The following PRMT7 variants were observed in gnomAD, a reference collection of about 807,000 sequenced individuals.
PRMT7 encodes protein arginine N-methyltransferase 7.
A neutral mutation model predicts 85.4 loss-of-function variants in PRMT7; 75 were observed. The observed-to-expected ratio is 0.88, with a 90% CI of 0.73 to 1.06. PRMT7 has a LOEUF of 1.06. Among genes scored for constraint, PRMT7 ranks in the 50% least tolerant of loss-of-function variants. PRMT7 has a pLI of 0.00. For synonymous variants in PRMT7, 397 were observed against 359.5 expected, an observed-to-expected ratio of 1.10 and a Z score of -1.18; for missense variants, 868 against 915.2, an observed-to-expected ratio of 0.95 and a Z score of 0.67.
In PRMT7 at chr16:68,357,236, CA is replaced by C; in HGVS notation, c.*14del. The C allele has an allele frequency of 6.2e-7, 1 of 1,602,254 alleles. No homozygotes were observed. The highest frequency in any genetic ancestry group is 8.5e-7 in the Non-Finnish European group (1 of 1,173,760). On this transcript the variant is annotated 3_prime_UTR_variant, in exon 19 of 19. Coordinates refer to ENST00000441236, the MANE Select transcript of PRMT7 (RefSeq NM_019023.5). Reference sequence around the variant, plus strand: ...ATACCCCAGACTGACCACTCTTGAGCAATAAAGTGGCCTGAGGGCTGGGGTT... The same window carrying C: ...ATACCCCAGACTGACCACTCTTGAGCATAAAGTGGCCTGAGGGCTGGGGTT...
intron 16 of PRMT7, 90 bp downstream of exon 16, chr16:68,353,656 T>G: frequency 7.8e-7 from 1 of 1,275,484 alleles, no homozygotes; most frequent in Non-Finnish European, 1.1e-6. Flanking sequence ...GCACAGGCTC[T>G]TCTGTTGGGG....
chr16:68,348,337 C>T lies in PRMT7; in HGVS notation c.1324-5C>T, dbSNP rs1229739198. On this transcript the variant is annotated splice_polypyrimidine_tract_variant and splice_region_variant and intron_variant, in intron 13 of 18. Transcript: ENST00000441236. ...ATACAGTAATTTTACGGTTTTCTTT[C>T]TAAGATCTTCAAGGCTAACCACTTG... 20 of 1,586,436 alleles carry T rather than the reference C, an allele frequency of 1.3e-5. No homozygotes were observed. The highest frequency in any genetic ancestry group is 1.6e-5 in the Non-Finnish European group (19 of 1,156,694).
chr16:68,355,918 C>T, intron 17 of PRMT7, 35 bp downstream of exon 17: 1 of 1,519,086 alleles, frequency 6.6e-7, no homozygotes, highest in Non-Finnish European at 8.8e-7. Context: ...CAGGGAGGGG[C>T]TGCTGCTTGC....
intron 6 of PRMT7, 21 bp downstream of exon 6, chr16:68,329,195 G>T (rs771956955): frequency 1.4e-5 from 22 of 1,517,652 alleles, no homozygotes; most frequent in Non-Finnish European, 2.0e-5. Context: ...CACACCCTGT[G>T]TTGAAAGCTT....
chr16:68,360,533 G>A (rs1430007474), downstream of PRMT7: 1 of 152,914 alleles, frequency 6.5e-6, no homozygotes, highest in African/African-American at 2.4e-5. Flanking sequence ...TGTGAAGTGA[G>A]GGTTGGTTTT....
In PRMT7 at chr16:68,311,097, C is replaced by T. The variant is rs531483697; in HGVS notation, c.-221C>T. On this transcript the variant is annotated splice_region_variant and 5_prime_UTR_variant, in exon 1 of 19. Transcript: ENST00000441236. ...GAGGCGAGCGGAGGGTTTCCCGCGGCGGGTGAGGCGCTGGGTATGCTGGGA... is the reference window on the plus strand; with the variant it reads ...GAGGCGAGCGGAGGGTTTCCCGCGGTGGGTGAGGCGCTGGGTATGCTGGGA... 4.5e-4 allele frequency: 324 copies of T among 713,954 alleles called. 5 individuals carry two copies. In the South Asian group the frequency reaches 4.8e-3, roughly 11 times the overall value. The allele number at this position is 713,954 out of a possible 1,614,324, so 44.2% of individuals were successfully genotyped here.
At chr16:68,340,043 G>A (rs2085279134) in intron 9 of PRMT7, 75 bp downstream of exon 9, 1 of 1,426,562 alleles carries the variant, frequency 7.0e-7, no homozygotes, top group South Asian at 1.4e-5. Flanking sequence ...TAACAGTTGA[G>A]CCTTGGACCC....
chr16:68,356,503 C>T (rs919109508), intron 17 of PRMT7, among the ~76,000 whole-genome samples, 198 bp from the exon 18 acceptor site: 4 of 152,262 alleles, frequency 2.6e-5, no homozygotes, highest in African/African-American at 9.6e-5. Flanking sequence ...CGGGTTGGCT[C>T]AGGTGGGGGC....
chr16:68,342,803 C>T (rs1192164695), intron 9 of PRMT7, among the ~76,000 whole-genome samples: 13 of 152,194 alleles, frequency 8.5e-5, no homozygotes, highest in Non-Finnish European at 1.9e-4. Flanking sequence ...TGCCAGCATC[C>T]CTCTGCAGGC....
chr16:68,334,857 G>C (rs995067790), intron 6 of PRMT7, among the ~76,000 whole-genome samples: 1 of 151,888 alleles, frequency 6.6e-6, no homozygotes, highest in African/African-American at 2.4e-5. Context: ...AGTATGGTGG[G>C]GCAATTTCAG....
chr16:68,314,104 ATCATTAGACTAG>A (rs2044357599), intron 2 of PRMT7, among the ~76,000 whole-genome samples: 1 of 152,232 alleles, frequency 6.6e-6, no homozygotes, highest in Non-Finnish European at 1.5e-5. Flanking sequence ...AAGTTTGAAA[ATCATTAGACTAG>A]GGGATAGGTA....
At chr16:68,339,737 T>C (rs2085236062) in intron 8 of PRMT7, 51 bp from the exon 9 acceptor site, 1 of 1,590,824 alleles carries the variant, frequency 6.3e-7, no homozygotes, top group East Asian at 2.2e-5. Flanking sequence ...GCTTAAAAAA[T>C]GGAGTGTGTG....
At chr16:68,356,950 T>A in intron 18 of PRMT7, 104 bp from the exon 19 acceptor site, 1 of 1,412,320 alleles carries the variant, frequency 7.1e-7, no homozygotes, top group East Asian at 2.4e-5. Context: ...ATCTGGCCCC[T>A]GAGCAGCTTC....
At chr16:68,313,286 G>A (rs118185391) in intron 2 of PRMT7, among the ~76,000 whole-genome samples, 1 of 152,190 alleles carries the variant, frequency 6.6e-6, no homozygotes, top group East Asian at 1.9e-4. Context: ...AGGGAGGCAC[G>A]TCTGACACAG....
intron 6 of PRMT7, among the ~76,000 whole-genome samples, chr16:68,330,705 C>T (rs1030166810): frequency 3.9e-5 from 6 of 152,108 alleles, no homozygotes; most frequent in African/African-American, 1.4e-4. Flanking sequence ...AGCGATTCTC[C>T]TGCTTCAGCC....
At chr16:68,344,453 C>T (rs2086016075) in intron 9 of PRMT7, among the ~76,000 whole-genome samples, 1 of 152,224 alleles carries the variant, frequency 6.6e-6, no homozygotes, top group South Asian at 2.1e-4. Context: ...CTGTTCCGGG[C>T]CCCGTGGCCT....
chr16:68,356,834 C>A (rs369322178), intron 18 of PRMT7, 37 bp downstream of exon 18: 2 of 1,571,482 alleles, frequency 1.3e-6, no homozygotes, highest in Non-Finnish European at 1.7e-6. Context: ...TGCGTGCAGA[C>A]CCTGAGAGCA....
Position 68,344,933 on chromosome 16 carries a change from T to TACACACACACACACACACATACACAC in PRMT7, c.928-723_928-722insTACACACACACACACACACACACACA, listed in dbSNP as rs60808184. On this transcript the variant is annotated intron_variant, in intron 9 of 18. Coordinates refer to ENST00000441236, the MANE Select transcript of PRMT7 (RefSeq NM_019023.5). ...CTTTCTGCCTCCCTTCCTGCATCTC[T>TACACACACACACACACACATACACAC]ACACACACACACACACACACACACG... Among the ~76,000 whole-genome samples, 75 of 131,160 alleles carry TACACACACACACACACACATACACAC rather than the reference T, an allele frequency of 5.7e-4. 1 individual carries two copies. In the East Asian group the frequency reaches 0.01, roughly 18 times the overall value. 86.0% of individuals were successfully genotyped at this position (131,160 alleles called of 152,430 possible).
intron 16 of PRMT7, 143 bp downstream of exon 16, chr16:68,353,709 G>A (rs1052265894): frequency 4.4e-6 from 3 of 685,424 alleles, no homozygotes; most frequent in Non-Finnish European, 6.8e-6. Context: ...TTCAACATGA[G>A]CATTGCTTGG....
Sources: allele counts gnomAD v4.1 joint callset (sites outside exome capture counted in the v4.1 genomes callset), GRCh38; gene constraint gnomAD v4.1.1; transcripts MANE v1.5; gene names NCBI Gene and HGNC (gene_info 2026-07-23, HGNC 2026-07-21).